SPACA6: variants seen among roughly 807,000 people sequenced by gnomAD.
The protein encoded by SPACA6 is sperm acrosome membrane-associated protein 6.
For missense variants in SPACA6, 8 were observed against 2.8 expected (o/e 2.88, Z -1.34); for synonymous variants, 6 against 1.5 (o/e 4.05, Z -2.21).
intron 2 of SPACA6, among the ~76,000 whole-genome samples, chr19:51,711,088 A>G (rs1264004263): frequency 6.6e-6 from 1 of 152,214 alleles, no homozygotes; most frequent in Non-Finnish European, 1.5e-5. Context: ...TCAAAAAAGA[A>G]AAAAAGGAAG....
chr19:51,710,802 A>G (rs985056073), intron 2 of SPACA6, among the ~76,000 whole-genome samples: 1 of 152,166 alleles, frequency 6.6e-6, no homozygotes, highest in African/African-American at 2.4e-5. Context: ...CCAAGTAGCT[A>G]TGCTTGGTGG....
rs2083396729 is a variant in SPACA6, at chr19:51,693,623, ACCTACTCTGAG to A, written c.99_109del (p.Tyr34ProfsTer16). ...CTGGGCCTGTCTCCTCTGCTTCACAACCTACTCTGAGCGCCTCCGCATCTGCCAGATGTTTG... is the reference window on the plus strand; with the variant it reads ...CTGGGCCTGTCTCCTCTGCTTCACAACGCCTCCGCATCTGCCAGATGTTTG... On this transcript the variant is annotated frameshift_variant, in exon 1 of 9. Coordinates refer to ENST00000637797, the MANE Select transcript of SPACA6 (RefSeq NM_001316972.2). LOFTEE classifies it high-confidence loss of function. 2.4e-6 allele frequency: 1 copy of A among 423,896 alleles called. No homozygotes were observed. The highest frequency in any genetic ancestry group is 4.2e-6 in the Non-Finnish European group (1 of 237,296). The allele number at this position is 423,896 out of a possible 1,614,324, so 26.3% of individuals were successfully genotyped here. A position where few individuals can be genotyped will look rare whatever the true frequency, so the allele number is the denominator to read the frequency against.
chr19:51,698,384 C>T (rs2083445166), intron 2 of SPACA6, among the ~76,000 whole-genome samples: 1 of 152,162 alleles, frequency 6.6e-6, no homozygotes, highest in South Asian at 2.1e-4. Context: ...GAACATTTCA[C>T]TCCACTTATA....
chr19:51,705,321 T>C (rs1262766368), downstream of SPACA6: 1 of 383,768 alleles, frequency 2.6e-6, no homozygotes, highest in East Asian at 3.7e-5. Flanking sequence ...GCAAGTTAGG[T>C]GGGAACCCAG....
rs771148217 is a variant in SPACA6 at position 51,702,970 on chromosome 19, C to T, written c.386-51C>T. The T allele has an allele frequency of 3.0e-5, 12 of 399,042 alleles. No homozygotes were observed. The Admixed American group carries it at 3.5e-4, about 12-fold the overall frequency. 24.7% of individuals were successfully genotyped at this position (399,042 alleles called of 1,614,324 possible). ...ATGGATCTCAAATGGGCCAAGGGCC[C>T]CGGGCTTGGAAGGGCAGGTGGCGCC... On this transcript the variant is annotated intron_variant, in intron 4 of 8. Transcript: ENST00000637797.
chr19:51,692,317 G>A (rs548638453), upstream of SPACA6, among the ~76,000 whole-genome samples: 16 of 152,330 alleles, frequency 1.1e-4, no homozygotes, highest in Admixed American at 3.3e-4. This position sits in a 1 kb window ranked among gnomAD's most constrained non-coding sequence, Gnocchi z 5.6. Context: ...GGAGGGAGGA[G>A]GGGCTGGGGG....
chr19:51,692,853 G>C (rs1395020078), upstream of SPACA6: 1 of 534,370 alleles, frequency 1.9e-6, no homozygotes, highest in Non-Finnish European at 3.8e-6. This position sits in a 1 kb window ranked among gnomAD's most constrained non-coding sequence, Gnocchi z 5.6. Context: ...CGGCCTCCTA[G>C]CTTTCCCCAG....
chr19:51,694,115 A>C, intron 1 of SPACA6: 1 of 263,800 alleles, frequency 3.8e-6, no homozygotes, highest in Non-Finnish European at 7.1e-6. Flanking sequence ...ACTCATAGAA[A>C]GGGGAGGATG....
chr19:51,700,737 C>T (rs1307549414), intron 2 of SPACA6, among the ~76,000 whole-genome samples: 2 of 152,002 alleles, frequency 1.3e-5, no homozygotes, highest in Admixed American at 6.6e-5. Flanking sequence ...TGATCATCAT[C>T]TATATATAAA....
At chr19:51,692,466 T>C, upstream of SPACA6, 2 of 377,052 alleles carry the variant, frequency 5.3e-6, no homozygotes, top group South Asian at 3.9e-5. This position sits in a 1 kb window ranked among gnomAD's most constrained non-coding sequence, Gnocchi z 5.6. Flanking sequence ...GGGTCTGTGG[T>C]GAGGAAGGGC....
Position 51,693,747 on chromosome 19 carries a change from AG to A in SPACA6, c.214+8del. Reference sequence around the variant, plus strand: ...CTCTCTGACACCGAAATCAGTGAGGAGACCATCCACACTTCATCAGTGTCCT... The same window carrying A: ...CTCTCTGACACCGAAATCAGTGAGGAACCATCCACACTTCATCAGTGTCCT... On this transcript the variant is annotated splice_region_variant and intron_variant, in intron 1 of 8. Coordinates refer to ENST00000637797, the MANE Select transcript of SPACA6 (RefSeq NM_001316972.2). The A allele has an allele frequency of 2.5e-6, 1 of 407,536 alleles. No homozygotes were observed. The highest frequency in any genetic ancestry group is 4.4e-6 in the Non-Finnish European group (1 of 229,830). The allele number at this position is 407,536 out of a possible 1,614,324, so 25.2% of individuals were successfully genotyped here.
upstream of SPACA6, among the ~76,000 whole-genome samples, chr19:51,691,184 G>A (rs1163689740): frequency 7.9e-6 from 1 of 126,712 alleles, no homozygotes; most frequent in Non-Finnish European, 1.6e-5. Flanking sequence ...CGAGGGGGAG[G>A]GAGAGAGGGA....
chr19:51,694,194 G>T (rs571645989), intron 1 of SPACA6: 2 of 329,928 alleles, frequency 6.1e-6, no homozygotes, highest in Non-Finnish European at 1.1e-5. Flanking sequence ...GAGACTCAGA[G>T]GGTGGAAGAT....
chr19:51,706,816 C>T (rs757983883), downstream of SPACA6, among the ~76,000 whole-genome samples: 7 of 152,190 alleles, frequency 4.6e-5, no homozygotes, highest in Non-Finnish European at 8.8e-5. Context: ...TGCGCCACCA[C>T]ACCTGGCTAA....
chr19:51,701,652 C>T lies in SPACA6; in HGVS notation c.293-6C>T, dbSNP rs1329066372. ...TACACAGGCCGTCCTCCCCTCCACT[C>T]TCCAGGATCCTTTGAGGTTGCCTTC... On this transcript the variant is annotated splice_polypyrimidine_tract_variant and splice_region_variant and intron_variant, in intron 2 of 8. Coordinates refer to ENST00000637797, the MANE Select transcript of SPACA6 (RefSeq NM_001316972.2). 1 of 398,998 alleles carries T rather than the reference C, an allele frequency of 2.5e-6. No homozygotes were observed. Among genetic ancestry groups the T allele is most frequent in the Non-Finnish European group, 4.4e-6 (1 of 226,122 alleles). The allele number at this position is 398,998 out of a possible 1,614,324, so 24.7% of individuals were successfully genotyped here. A position where few individuals can be genotyped will look rare whatever the true frequency, so the allele number is the denominator to read the frequency against.
chr19:51,684,895 A>T (rs1325636996), upstream of SPACA6, among the ~76,000 whole-genome samples: 1 of 152,130 alleles, frequency 6.6e-6, no homozygotes, highest in Non-Finnish European at 1.5e-5. Flanking sequence ...ACCTGCAGGG[A>T]TTATGTGGTG....
chr19:51,699,256 A>T (rs2083451536), intron 2 of SPACA6, among the ~76,000 whole-genome samples: 1 of 152,028 alleles, frequency 6.6e-6, no homozygotes, highest in Non-Finnish European at 1.5e-5. Flanking sequence ...TGATCCTGTC[A>T]CCTCAGCCTC....
chr19:51,707,665 A>G (rs566450782), downstream of SPACA6, among the ~76,000 whole-genome samples: 1 of 152,122 alleles, frequency 6.6e-6, no homozygotes, highest in Non-Finnish European at 1.5e-5. Context: ...TCAACAACCC[A>G]GGGTTAGCGT....
chr19:51,690,589 A>T (rs937349027), upstream of SPACA6, among the ~76,000 whole-genome samples: 1 of 151,960 alleles, frequency 6.6e-6, no homozygotes, highest in Non-Finnish European at 1.5e-5. Context: ...GGGGCTCCCC[A>T]GGGTCCGCAG....
Sources: allele counts gnomAD v4.1 joint callset (sites outside exome capture counted in the v4.1 genomes callset), GRCh38; gene constraint gnomAD v4.1.1; non-coding constraint Gnocchi (gnomAD v3.1); transcripts MANE v1.5; gene names NCBI Gene and HGNC (gene_info 2026-07-23, HGNC 2026-07-21).